The following CNTNAP2 variants were observed in gnomAD, a reference collection of about 807,000 sequenced individuals.
CNTNAP2 encodes contactin associated protein 2.
A neutral mutation model predicts 155.2 loss-of-function variants in CNTNAP2; 98 were observed. The observed-to-expected ratio is 0.63, with a 90% confidence interval of 0.54 to 0.75. CNTNAP2 has a LOEUF of 0.75. Among genes scored for constraint, CNTNAP2 ranks in the 30% least tolerant of loss-of-function variants. The pLI is 0.00. For missense variants in CNTNAP2, 1,727 were observed against 1,688.1 expected, an observed-to-expected ratio of 1.02 and a Z score of -0.40; for synonymous variants, 651 against 631.2, an observed-to-expected ratio of 1.03 and a Z score of -0.47.
chr7:147,279,130 A>G (rs1804971132), intron 8 of CNTNAP2, among the ~76,000 whole-genome samples: 1 of 151,720 alleles, frequency 6.6e-6, no homozygotes, highest in African/African-American at 2.4e-5. Context: ...GACATGTTAT[A>G]ATCTACATAA....
chr7:146,624,783 G>A (rs1370525051), intron 1 of CNTNAP2, among the ~76,000 whole-genome samples: 1 of 151,886 alleles, frequency 6.6e-6, no homozygotes, highest in African/African-American at 2.4e-5. Flanking sequence ...GTTTGATTGG[G>A]ATTGTGTTGA....
chr7:147,043,747 C>G (rs1022130206), intron 3 of CNTNAP2, among the ~76,000 whole-genome samples, 160 bp from the exon 4 acceptor site: 3 of 152,188 alleles, frequency 2.0e-5, no homozygotes, highest in Non-Finnish European at 4.4e-5. Context: ...GACCTATTTT[C>G]ACATTAAGAG....
intron 3 of CNTNAP2, among the ~76,000 whole-genome samples, chr7:147,017,709 T>C (rs777898433): frequency 3.3e-5 from 5 of 149,812 alleles, no homozygotes; most frequent in Admixed American, 6.7e-5. Flanking sequence ...CAAGTCTAAA[T>C]TTCAAAATGT....
intron 9 of CNTNAP2, among the ~76,000 whole-genome samples, chr7:147,387,915 C>T (rs1796650169): frequency 6.6e-6 from 1 of 151,988 alleles, no homozygotes; most frequent in African/African-American, 2.4e-5. Context: ...TATGCCTTGC[C>T]TGAATTAATT....
At chr7:147,630,767 C>T (rs1247911150) in intron 12 of CNTNAP2, among the ~76,000 whole-genome samples, 3 of 152,084 alleles carry the variant, frequency 2.0e-5, no homozygotes, top group Non-Finnish European at 2.9e-5. Context: ...TGACAAAGTC[C>T]AGCATCCCTT....
intron 11 of CNTNAP2, among the ~76,000 whole-genome samples, chr7:147,524,677 G>C (rs1026462265): frequency 3.9e-5 from 6 of 152,194 alleles, no homozygotes; most frequent in African/African-American, 1.4e-4. Flanking sequence ...AACTCTGCTT[G>C]AGGGTCTCAG....
chr7:147,240,318 C>T (rs1358862720), intron 8 of CNTNAP2, among the ~76,000 whole-genome samples: 2 of 152,128 alleles, frequency 1.3e-5, no homozygotes, highest in Non-Finnish European at 2.9e-5. Flanking sequence ...GATGGAGACC[C>T]TGTCTCTAAT....
intron 13 of CNTNAP2, among the ~76,000 whole-genome samples, chr7:147,644,264 C>T (rs1795329971): frequency 1.3e-5 from 2 of 151,998 alleles, no homozygotes; most frequent in Non-Finnish European, 1.5e-5. Flanking sequence ...TGTAATATTA[C>T]CTTAACTTAT....
intron 15 of CNTNAP2, among the ~76,000 whole-genome samples, chr7:147,984,641 G>A (rs931619020): frequency 1.3e-5 from 2 of 152,104 alleles, no homozygotes; most frequent in South Asian, 2.1e-4. Context: ...CCTGTGAAGG[G>A]TCACTGAAAA....
At chr7:146,165,576 G>T (rs185821206) in intron 1 of CNTNAP2, among the ~76,000 whole-genome samples, 23 of 152,170 alleles carry the variant, frequency 1.5e-4, no homozygotes, top group Non-Finnish European at 8.8e-5. Context: ...CTGAATAATT[G>T]AAATCTTTTT....
chr7:146,654,722 A>G (rs1799967580), intron 1 of CNTNAP2, among the ~76,000 whole-genome samples: 1 of 152,168 alleles, frequency 6.6e-6, no homozygotes, highest in African/African-American at 2.4e-5. Context: ...TGAAGTTATA[A>G]GAAATAATGT....
At chr7:148,235,750 A>G (rs1317571969) in intron 20 of CNTNAP2, among the ~76,000 whole-genome samples, 1 of 143,232 alleles carries the variant, frequency 7.0e-6, no homozygotes, top group Admixed American at 7.5e-5. Context: ...CAGCGGCACG[A>G]TCTTGGCTCA....
At chr7:147,084,542 A>G (rs1264922693) in intron 4 of CNTNAP2, among the ~76,000 whole-genome samples, 2 of 145,266 alleles carry the variant, frequency 1.4e-5, no homozygotes, top group African/African-American at 5.0e-5. Flanking sequence ...TATATATAAT[A>G]TATAATAATA....
chr7:146,959,562 A>G (rs1479381293), intron 3 of CNTNAP2, among the ~76,000 whole-genome samples: 1 of 151,812 alleles, frequency 6.6e-6, no homozygotes, highest in Non-Finnish European at 1.5e-5. Flanking sequence ...TCTACTAAAA[A>G]TACAAAAATT....
chr7:147,164,379 G>A (rs1296180279), intron 8 of CNTNAP2, among the ~76,000 whole-genome samples: 1 of 152,114 alleles, frequency 6.6e-6, no homozygotes, highest in Non-Finnish European at 1.5e-5. Context: ...GCGCCAAGCA[G>A]GACTTGAAAA....
At position 148,219,004 on chromosome 7, in the gene CNTNAP2, G is replaced by A. The variant is rs146788679; in HGVS notation, c.3247+1480G>A. The stretch of plus-strand genomic sequence containing the variant: ...CATCACCAGGCTGGAGTGCAGTGGC[G>A]CAATCTCGGCTCACTGCAACCTCCG... On this transcript the variant is annotated intron_variant, in intron 19 of 23. Coordinates refer to ENST00000361727, the MANE Select transcript of CNTNAP2 (RefSeq NM_014141.6). 3.9e-3 allele frequency among the ~76,000 whole-genome samples: 559 copies of A among 143,354 alleles called. 5 individuals are homozygous for A. The highest frequency in any genetic ancestry group is 0.013 in the African/African-American group (487 of 37,914). The allele number at this position is 143,354 out of a possible 152,430, so 94.0% of individuals were successfully genotyped here.
intron 1 of CNTNAP2, among the ~76,000 whole-genome samples, chr7:146,459,492 G>C (rs145129812): frequency 5.9e-5 from 9 of 152,208 alleles, no homozygotes; most frequent in Non-Finnish European, 7.3e-5. Flanking sequence ...CTCTTTACTT[G>C]CCTCCTTGCT....
At chr7:147,445,468 T>C (rs1015195341) in intron 10 of CNTNAP2, among the ~76,000 whole-genome samples, 3 of 152,184 alleles carry the variant, frequency 2.0e-5, no homozygotes, top group Non-Finnish European at 2.9e-5. Context: ...TTATGTGGGT[T>C]AGACATATTA....
intron 1 of CNTNAP2, among the ~76,000 whole-genome samples, chr7:146,662,591 G>T (rs905509775): frequency 6.6e-6 from 1 of 151,952 alleles, no homozygotes; most frequent in Non-Finnish European, 1.5e-5. Flanking sequence ...TTTTAACAGG[G>T]TCTTTCAAAT....
Sources: allele counts gnomAD v4.1 joint callset (sites outside exome capture counted in the v4.1 genomes callset), GRCh38; gene constraint gnomAD v4.1.1; transcripts MANE v1.5; gene names NCBI Gene and HGNC (gene_info 2026-07-23, HGNC 2026-07-21).